CDH13: variants seen among roughly 807,000 people sequenced by gnomAD.
CDH13 encodes the protein cadherin-13.
Under a neutral mutation model 63.8 loss-of-function variants are expected in CDH13, and 24 were observed. That is an observed-to-expected ratio of 0.38 (90% confidence interval 0.27 to 0.53). The LOEUF (loss-of-function observed/expected upper bound fraction) is 0.53, where lower values mean the gene tolerates loss of function less well. Ranked by LOEUF, CDH13 falls within the 20% of genes least tolerant of loss-of-function variation. The pLI is 0.85. For missense variants in CDH13, 1,049 were observed against 903.1 expected (o/e 1.16, Z -2.07); for synonymous variants, 503 against 355.3 (o/e 1.42, Z -4.67).
intron 9 of CDH13, among the ~76,000 whole-genome samples, chr16:83,672,841 C>T (rs1914632456): frequency 6.6e-6 from 1 of 152,184 alleles, no homozygotes; most frequent in Admixed American, 6.5e-5. Flanking sequence ...ATCTTCCAAA[C>T]TTCAGGTCTG....
At chr16:83,472,346 A>G (rs1422379218) in intron 6 of CDH13, among the ~76,000 whole-genome samples, 1 of 152,208 alleles carries the variant, frequency 6.6e-6, no homozygotes, top group African/African-American at 2.4e-5. Context: ...GTTGCAACAA[A>G]TGAAAACCAA....
chr16:83,517,056 T>C (rs2074713201), intron 7 of CDH13, among the ~76,000 whole-genome samples: 1 of 152,170 alleles, frequency 6.6e-6, no homozygotes, highest in South Asian at 2.1e-4. Context: ...TTCCCAGTTG[T>C]AGGTCTTGTA....
At chr16:83,265,668 C>A (rs529669476) in intron 5 of CDH13, among the ~76,000 whole-genome samples, 21 of 140,718 alleles carry the variant, frequency 1.5e-4, no homozygotes, top group African/African-American at 5.3e-4. Context: ...TCAAGAATAT[C>A]ATTTACAGGT....
intron 7 of CDH13, among the ~76,000 whole-genome samples, chr16:83,498,442 A>G (rs558732838): frequency 1.3e-5 from 2 of 152,206 alleles, no homozygotes; most frequent in Non-Finnish European, 2.9e-5. Context: ...TCCACCTCTC[A>G]TTGCCCTTTC....
At chr16:83,319,414 C>T (rs144390451) in intron 5 of CDH13, among the ~76,000 whole-genome samples, 173 of 152,318 alleles carry the variant, frequency 1.1e-3, no homozygotes, top group African/African-American at 4.0e-3. Context: ...AGACGGAAAG[C>T]AGCTGCAGCT....
chr16:83,413,598 A>T (rs191515546), intron 6 of CDH13, among the ~76,000 whole-genome samples: 63 of 152,294 alleles, frequency 4.1e-4, no homozygotes, highest in Non-Finnish European at 7.5e-4. Flanking sequence ...ATGAAACTTA[A>T]AGAGAAATAG....
At chr16:83,567,441 T>G (rs1160337401) in intron 7 of CDH13, among the ~76,000 whole-genome samples, 1 of 152,080 alleles carries the variant, frequency 6.6e-6, no homozygotes, top group Non-Finnish European at 1.5e-5. Context: ...GGAAACTGAG[T>G]CACAAGAAGA....
At chr16:83,248,538 C>G (rs1230990499) in intron 5 of CDH13, among the ~76,000 whole-genome samples, 2 of 152,104 alleles carry the variant, frequency 1.3e-5, no homozygotes, top group East Asian at 3.9e-4. Context: ...GTTAGTAGAT[C>G]AAGAAGATTT....
At chr16:83,655,836 C>T (rs1482387575) in intron 8 of CDH13, among the ~76,000 whole-genome samples, 1 of 152,122 alleles carries the variant, frequency 6.6e-6, no homozygotes, top group Non-Finnish European at 1.5e-5. Flanking sequence ...TGCTACTATG[C>T]AGAGGACAGG....
intron 7 of CDH13, among the ~76,000 whole-genome samples, chr16:83,486,860 C>T (rs964546597): frequency 6.6e-6 from 1 of 152,098 alleles, no homozygotes; most frequent in Admixed American, 6.5e-5. Flanking sequence ...AAGGCTAAAG[C>T]GCCTGGAACT....
intron 2 of CDH13, among the ~76,000 whole-genome samples, chr16:83,025,545 A>G (rs568320812): frequency 1.3e-5 from 2 of 152,282 alleles, no homozygotes; most frequent in South Asian, 4.1e-4. Flanking sequence ...CTGTGATTAA[A>G]TTACCTCCCA....
chr16:83,793,812 T>A lies in CDH13; in HGVS notation c.2135-1211T>A, dbSNP rs1597244270. Reference sequence around the variant, plus strand: ...GAGCAACAAAGTGAGACTCTGTCTCTAAAAAAAAAAAAAAAAAATTTCTCA... The same window carrying A: ...GAGCAACAAAGTGAGACTCTGTCTCAAAAAAAAAAAAAAAAAAATTTCTCA... On this transcript the variant is annotated intron_variant, in intron 13 of 13. Transcript: ENST00000567109. Among the ~76,000 whole-genome samples, 4 of 142,300 alleles carry A rather than the reference T, an allele frequency of 2.8e-5. No individual in the cohort carries two copies. The East Asian group carries it at 6.2e-4, about 22-fold the overall frequency. 93.4% of individuals were successfully genotyped at this position (142,300 alleles called of 152,430 possible).
At chr16:82,991,255 G>C (rs1429447577) in intron 2 of CDH13, among the ~76,000 whole-genome samples, 2 of 152,136 alleles carry the variant, frequency 1.3e-5, no homozygotes, top group East Asian at 3.8e-4. Flanking sequence ...ACGCTCTTAG[G>C]TATTACATGG....
chr16:83,682,079 C>T (rs574359601), intron 10 of CDH13, among the ~76,000 whole-genome samples: 3 of 152,230 alleles, frequency 2.0e-5, no homozygotes, highest in African/African-American at 7.2e-5. Flanking sequence ...TACCTCTGTT[C>T]TTGTCTTCTT....
At chr16:82,667,678 C>T (rs538798128) in intron 1 of CDH13, among the ~76,000 whole-genome samples, 2 of 152,192 alleles carry the variant, frequency 1.3e-5, no homozygotes, top group Admixed American at 6.5e-5. Flanking sequence ...GTGAGGAAGG[C>T]GAAGCAGTGC....
At chr16:83,586,386 C>A (rs1328393979) in intron 7 of CDH13, among the ~76,000 whole-genome samples, 2 of 152,146 alleles carry the variant, frequency 1.3e-5, no homozygotes, top group African/African-American at 2.4e-5. Flanking sequence ...GCAGAGACTC[C>A]GTTTATTGTT....
At chr16:83,098,269 T>G (rs2034302539) in intron 3 of CDH13, among the ~76,000 whole-genome samples, 1 of 152,216 alleles carries the variant, frequency 6.6e-6, no homozygotes, top group Non-Finnish European at 1.5e-5. Flanking sequence ...AACCTTACAG[T>G]AAAACACTTT....
rs1567797536 is a variant in CDH13, at chr16:83,602,104, C to CAAAAAAAA, written c.961-348_961-347insAAAAAAAA. On this transcript the variant is annotated intron_variant, in intron 7 of 13. Coordinates refer to ENST00000567109, the MANE Select transcript of CDH13 (RefSeq NM_001257.5). ...TCTCAAAAAAAAAAAAAAAGAACAACAACAAAAAAAAAAAAAAAAAAAAAA... is the reference window on the plus strand; with the variant it reads ...TCTCAAAAAAAAAAAAAAAGAACAACAAAAAAAAAACAAAAAAAAAAAAAAAAAAAAAA... Among the ~76,000 whole-genome samples, 3 of 3,722 alleles carry CAAAAAAAA rather than the reference C, an allele frequency of 8.1e-4. 1 individual carries two copies. Among genetic ancestry groups the CAAAAAAAA allele is most frequent in the African/African-American group, 3.4e-3 (2 of 592 alleles). The allele number at this position is 3,722 out of a possible 152,430, so 2.4% of individuals were successfully genotyped here. A position where few individuals can be genotyped will look rare whatever the true frequency, so the allele number is the denominator to read the frequency against.
intron 5 of CDH13, among the ~76,000 whole-genome samples, chr16:83,235,562 T>A (rs999898420): frequency 7.0e-6 from 1 of 142,366 alleles, no homozygotes; most frequent in East Asian, 2.1e-4. Flanking sequence ...CAATGCTCAT[T>A]TTTTATTCTA....
Sources: allele counts gnomAD v4.1 joint callset (sites outside exome capture counted in the v4.1 genomes callset), GRCh38; gene constraint gnomAD v4.1.1; transcripts MANE v1.5; gene names NCBI Gene and HGNC (gene_info 2026-07-23, HGNC 2026-07-21).